ZNF704: variants seen among roughly 807,000 people sequenced by gnomAD.
ZNF704 encodes the protein glucocorticoid induced gene 1.
A neutral mutation model predicts 44.7 loss-of-function variants in ZNF704; 10 were observed. That is an observed-to-expected ratio of 0.22 (90% CI 0.14 to 0.38). ZNF704 has a LOEUF of 0.38. Among genes scored for constraint, ZNF704 ranks in the 10% least tolerant of loss-of-function variants. The probability of loss-of-function intolerance (pLI) is 1.00; values close to 1 mark genes in which losing one functional copy is unlikely to be tolerated. For missense variants in ZNF704, 390 were observed against 545.5 expected, an observed-to-expected ratio of 0.71 and a Z score of 2.84; for synonymous variants, 211 against 207.6, an observed-to-expected ratio of 1.02 and a Z score of -0.14.
intron 2 of ZNF704, among the ~76,000 whole-genome samples, chr8:80,750,494 T>C (rs1490029412): frequency 2.0e-5 from 3 of 151,850 alleles, no homozygotes; most frequent in African/African-American, 4.9e-5. Context: ...CTCTTCAAAA[T>C]CCAGCATGTA....
intron 5 of ZNF704, among the ~76,000 whole-genome samples, chr8:80,668,773 C>T (rs551917108): frequency 6.6e-6 from 1 of 152,322 alleles, no homozygotes; most frequent in South Asian, 2.1e-4. Flanking sequence ...TCCTCATCCC[C>T]TCACCAGCTA....
chr8:80,780,150 A>C (rs1475999941), intron 2 of ZNF704, among the ~76,000 whole-genome samples: 1 of 152,148 alleles, frequency 6.6e-6, no homozygotes. Flanking sequence ...AGGAGCAGTG[A>C]GGGCAACGGC....
chr8:80,712,878 G>T (rs1043214425), intron 2 of ZNF704, among the ~76,000 whole-genome samples: 108 of 149,452 alleles, frequency 7.2e-4, no homozygotes, highest in African/African-American at 2.6e-3. Context: ...GGGTTTTTTT[G>T]TTTGTTTGTT....
chr8:80,686,235 T>C (rs1162538123), intron 4 of ZNF704, among the ~76,000 whole-genome samples: 1 of 152,230 alleles, frequency 6.6e-6, no homozygotes, highest in South Asian at 2.1e-4. Flanking sequence ...CAGTTAAATG[T>C]ACAATCAATC....
intron 2 of ZNF704, among the ~76,000 whole-genome samples, chr8:80,783,785 A>T (rs1236562657): frequency 1.3e-5 from 2 of 152,056 alleles, no homozygotes; most frequent in African/African-American, 4.8e-5. Context: ...CACTCTTGGT[A>T]TTGTGCCTTC....
intron 2 of ZNF704, among the ~76,000 whole-genome samples, chr8:80,821,161 A>G (rs1808262888): frequency 1.3e-5 from 2 of 152,214 alleles, no homozygotes; most frequent in Non-Finnish European, 2.9e-5. Flanking sequence ...TTTCTTTTCT[A>G]GAGCTACAAT....
At chr8:80,811,092 A>G (rs907274558) in intron 2 of ZNF704, among the ~76,000 whole-genome samples, 5 of 152,224 alleles carry the variant, frequency 3.3e-5, no homozygotes, top group African/African-American at 1.2e-4. Flanking sequence ...GCTTTATTCT[A>G]AAGCTGCACT....
At position 80,635,489 on chromosome 8, in the gene ZNF704, A is replaced by G. The variant is rs1306605826; in HGVS notation, c.*5877T>C. On this transcript the variant is annotated 3_prime_UTR_variant, in exon 9 of 9. Transcript: ENST00000327835. Reference sequence around the variant, plus strand: ...GTTATATAGTTAGTGCTGAGGACAAAATTATTTTAAACACTACTGATCACC... The same window carrying G: ...GTTATATAGTTAGTGCTGAGGACAAGATTATTTTAAACACTACTGATCACC... 6.6e-6 allele frequency: 1 copy of G among 152,168 alleles called. No individual in the cohort carries two copies. Among genetic ancestry groups the G allele is most frequent in the African/African-American group, 2.4e-5 (1 of 41,442 alleles). 9.4% of individuals were successfully genotyped at this position (152,168 alleles called of 1,614,324 possible). A position where few individuals can be genotyped will look rare whatever the true frequency, so the allele number is the denominator to read the frequency against.
chr8:80,871,125 G>C (rs951678124), intron 1 of ZNF704, among the ~76,000 whole-genome samples: 1 of 152,058 alleles, frequency 6.6e-6, no homozygotes. Flanking sequence ...CCCTCCCTTG[G>C]TCTGTGTAGT....
At chr8:80,701,985 A>G (rs969247211) in intron 2 of ZNF704, among the ~76,000 whole-genome samples, 4 of 152,314 alleles carry the variant, frequency 2.6e-5, no homozygotes, top group Middle Eastern at 3.4e-3. Context: ...TTTGTTCTTC[A>G]GATGAAAGGA....
intron 2 of ZNF704, among the ~76,000 whole-genome samples, chr8:80,741,795 C>T (rs1214361468): frequency 1.3e-5 from 2 of 152,132 alleles, no homozygotes; most frequent in Non-Finnish European, 2.9e-5. Context: ...AACTTGTATA[C>T]TGATGGAAGT....
At chr8:80,864,504 T>G (rs1411524016) in intron 1 of ZNF704, among the ~76,000 whole-genome samples, 4 of 152,182 alleles carry the variant, frequency 2.6e-5, no homozygotes, top group South Asian at 2.1e-4. Context: ...ATTTCCTCTT[T>G]GTTTGAAATA....
chr8:80,691,638 G>T (rs769332321), intron 3 of ZNF704, among the ~76,000 whole-genome samples: 5 of 152,000 alleles, frequency 3.3e-5, no homozygotes, highest in Non-Finnish European at 7.4e-5. Context: ...CTCTCATGAT[G>T]ATCTCATCTA....
chr8:80,862,985 C>T (rs2130047167), intron 1 of ZNF704, among the ~76,000 whole-genome samples: 1 of 151,876 alleles, frequency 6.6e-6, no homozygotes, highest in South Asian at 2.1e-4. Flanking sequence ...CTCCTCTTTC[C>T]CACACTAAGC....
intron 4 of ZNF704, among the ~76,000 whole-genome samples, chr8:80,680,616 G>A (rs959771030): frequency 6.6e-6 from 1 of 152,130 alleles, no homozygotes; most frequent in East Asian, 1.9e-4. Context: ...TCCCCAGCAG[G>A]TGCCAAAAGA....
At chr8:80,769,781 T>C (rs1456961495) in intron 2 of ZNF704, among the ~76,000 whole-genome samples, 1 of 152,222 alleles carries the variant, frequency 6.6e-6, no homozygotes. Flanking sequence ...AACCTCTGCC[T>C]GTTACCCGGG....
intron 3 of ZNF704, among the ~76,000 whole-genome samples, chr8:80,690,883 C>T (rs1554573216): frequency 6.6e-6 from 1 of 152,166 alleles, no homozygotes; most frequent in Non-Finnish European, 1.5e-5. Context: ...GTGGCACATG[C>T]CAGTAATCTC....
At chr8:80,853,228 T>C (rs1347364707) in intron 1 of ZNF704, among the ~76,000 whole-genome samples, 1 of 152,074 alleles carries the variant, frequency 6.6e-6, no homozygotes, top group Non-Finnish European at 1.5e-5. Flanking sequence ...TAGCCAGGCA[T>C]GGTGGTGTGT....
At chr8:80,814,327 G>GA (rs1360786806) in intron 2 of ZNF704, 1 of 152,232 alleles carries the variant, frequency 6.6e-6, no homozygotes, top group Non-Finnish European at 1.5e-5. Flanking sequence ...ACTGTGTACT[G>GA]ATGGCACAAT....
Sources: allele counts gnomAD v4.1 joint callset (sites outside exome capture counted in the v4.1 genomes callset), GRCh38; gene constraint gnomAD v4.1.1; transcripts MANE v1.5; gene names NCBI Gene and HGNC (gene_info 2026-07-23, HGNC 2026-07-21).